The following C10orf90 variants were observed in gnomAD, a reference collection of about 807,000 sequenced individuals.
C10orf90 encodes (E2-independent) E3 ubiquitin-conjugating enzyme FATS.
A neutral mutation model predicts 62.5 loss-of-function variants in C10orf90; 56 were observed. The ratio of observed to expected loss-of-function variants is 0.90; its 90% CI spans 0.72 to 1.12. The LOEUF (loss-of-function observed/expected upper bound fraction) is 1.12. C10orf90 is among the 50% of genes most tolerant of loss of function. The pLI is 0.00. For synonymous variants in C10orf90, 386 were observed against 340.4 expected (o/e 1.13, Z -1.47); for missense variants, 970 against 880.4 (o/e 1.10, Z -1.29).
At chr10:126,505,161 C>T in intron 3 of C10orf90, 76 bp from the exon 4 acceptor site, 1 of 1,443,818 alleles carries the variant, frequency 6.9e-7, no homozygotes, top group Non-Finnish European at 9.3e-7. Context: ...TCAAGGGCCA[C>T]CAGGATGCCA....
intron 5 of C10orf90, among the ~76,000 whole-genome samples, chr10:126,462,438 AG>A (rs1444065951): frequency 1.3e-5 from 2 of 152,122 alleles, no homozygotes; most frequent in Admixed American, 1.3e-4. Context: ...CCCACCCTCC[AG>A]GCTGAGTCCA....
intron 2 of C10orf90, among the ~76,000 whole-genome samples, chr10:126,580,643 G>C (rs966138337): frequency 8.2e-6 from 1 of 121,446 alleles, no homozygotes; most frequent in African/African-American, 3.5e-5. Flanking sequence ...ACAGAGCGAG[G>C]CTCTGTCTCA....
intron 2 of C10orf90, among the ~76,000 whole-genome samples, chr10:126,620,858 G>A (rs1471076756): frequency 3.3e-5 from 5 of 152,104 alleles, no homozygotes; most frequent in Admixed American, 3.3e-4. Flanking sequence ...TGGAAGGGAG[G>A]ATGATCTATA....
Position 126,436,029 on chromosome 10 carries a change from T to C in C10orf90, c.2189-6179A>G, listed in dbSNP as rs201507689. On this transcript the variant is annotated intron_variant, in intron 7 of 9. Transcript: ENST00000488181. The stretch of plus-strand genomic sequence containing the variant: ...GACAAAGGGTTCCCCATAAAACCTA[T>C]AGGAACTGCTAAGGAAGGCTGGCAC... Among the ~76,000 whole-genome samples, 45 of 152,256 alleles carry C rather than the reference T, an allele frequency of 3.0e-4. No individual in the cohort carries two copies. In the East Asian group the frequency reaches 7.3e-3, roughly 25 times the overall value.
chr10:126,579,275 CTTTTT>C (rs35287358), intron 2 of C10orf90, among the ~76,000 whole-genome samples: 30 of 124,598 alleles, frequency 2.4e-4, no homozygotes, highest in Admixed American at 2.3e-4. Context: ...TTCTTTCTTT[CTTTTT>C]TTTTTTTTTT....
chr10:126,616,951 TA>T (rs1264177887), intron 2 of C10orf90, among the ~76,000 whole-genome samples: 1 of 152,168 alleles, frequency 6.6e-6, no homozygotes, highest in Non-Finnish European at 1.5e-5. Context: ...TAACCAGGGC[TA>T]TGTTATCTAA....
chr10:126,468,994 G>A (rs1860431798), intron 4 of C10orf90, among the ~76,000 whole-genome samples: 1 of 152,172 alleles, frequency 6.6e-6, no homozygotes, highest in East Asian at 1.9e-4. Context: ...TTGAGCCAGT[G>A]GCCCCCTACA....
At chr10:126,587,016 G>T (rs1054370714) in intron 2 of C10orf90, among the ~76,000 whole-genome samples, 3 of 151,718 alleles carry the variant, frequency 2.0e-5, no homozygotes, top group Non-Finnish European at 4.4e-5. Context: ...TAAAAGTGAT[G>T]TGATCATCCA....
intron 1 of C10orf90, 127 bp downstream of exon 1, chr10:126,670,114 G>C: frequency 2.9e-6 from 1 of 347,490 alleles, no homozygotes; most frequent in Non-Finnish European, 5.7e-6. Context: ...ATCCCTTAGG[G>C]AAGTCTACAA....
chr10:126,428,976 C>A (rs375160393), intron 8 of C10orf90, among the ~76,000 whole-genome samples: 1 of 152,086 alleles, frequency 6.6e-6, no homozygotes, highest in East Asian at 1.9e-4. Flanking sequence ...ATAGTAAAAG[C>A]AGAAATTGTA....
At chr10:126,602,680 A>C (rs1845221695) in intron 2 of C10orf90, among the ~76,000 whole-genome samples, 1 of 151,856 alleles carries the variant, frequency 6.6e-6, no homozygotes, top group African/African-American at 2.4e-5. Flanking sequence ...CTGATAGTAG[A>C]GGCAATTTAA....
At chr10:126,568,482 C>T (rs1036543996) in intron 2 of C10orf90, among the ~76,000 whole-genome samples, 7 of 152,212 alleles carry the variant, frequency 4.6e-5, no homozygotes, top group Non-Finnish European at 8.8e-5. Context: ...TCATCCTGAA[C>T]ATCCCTGACC....
intron 7 of C10orf90, among the ~76,000 whole-genome samples, chr10:126,444,113 A>C (rs1321559918): frequency 1.3e-5 from 2 of 152,144 alleles, no homozygotes; most frequent in African/African-American, 4.8e-5. Context: ...GAAATGGAAA[A>C]GAGAAGGATG....
intron 2 of C10orf90, among the ~76,000 whole-genome samples, chr10:126,515,576 G>A (rs1263099845): frequency 6.6e-6 from 1 of 152,118 alleles, no homozygotes; most frequent in African/African-American, 2.4e-5. Context: ...GTGCATAGGA[G>A]GCTATACCAT....
At chr10:126,526,813 T>C (rs1247079952) in intron 2 of C10orf90, among the ~76,000 whole-genome samples, 1 of 152,182 alleles carries the variant, frequency 6.6e-6, no homozygotes, top group Non-Finnish European at 1.5e-5. Context: ...AATTGAATCA[T>C]ATAATATGTG....
chr10:126,504,303 G>T lies in C10orf90; in HGVS notation c.1188C>A (p.His396Gln), dbSNP rs373996401. 1.1e-5 allele frequency: 17 copies of T among 1,614,084 alleles called. No individual in the cohort carries two copies. In the Admixed American group the frequency reaches 2.8e-4, roughly 27 times the overall value. ...CATCTACTCCATCTGCTGTTAATCT[G>T]TGGGAACTACAATTGAGGTTGAGCG... ...VLSLNLNCSS[H>Q]RLTADGVDGL... is the part of the protein sequence containing the mutation. The change falls in exon 4 of 10, where the codon CAC becomes CAA. Residue 396 changes from histidine (H) to glutamine (Q), a missense_variant. Physicochemically the swap from His to Gln is conservative, Grantham distance 24. Coordinates refer to ENST00000488181, the MANE Select transcript of C10orf90 (RefSeq NM_001350921.2). The surrounding 1 kb of genome is among the most constrained non-coding windows in gnomAD (Gnocchi z 4.1).
intron 4 of C10orf90, among the ~76,000 whole-genome samples, chr10:126,468,079 C>CT (rs553157307): frequency 0.024 from 3,419 of 142,850 alleles, 92 homozygotes; most frequent in African/African-American, 0.064. Flanking sequence ...ACAAAGCTAG[C>CT]TTTTTTTTTT....
intron 2 of C10orf90, among the ~76,000 whole-genome samples, chr10:126,588,341 G>A (rs906878548): frequency 6.6e-6 from 1 of 152,234 alleles, no homozygotes; most frequent in African/African-American, 2.4e-5. Context: ...CAGCCAGACT[G>A]CTTCTTTAAG....
At chr10:126,468,731 G>T (rs1860419560) in intron 4 of C10orf90, among the ~76,000 whole-genome samples, 1 of 152,156 alleles carries the variant, frequency 6.6e-6, no homozygotes, top group Non-Finnish European at 1.5e-5. Context: ...GCAGGGACTG[G>T]GGGTGGCGGA....
Sources: gnomAD v4.1 joint callset for allele counts (sites outside exome capture counted in the v4.1 genomes callset) on GRCh38, gnomAD v4.1.1 for gene constraint, Gnocchi (gnomAD v3.1) non-coding constraint, MANE v1.5 for transcripts, NCBI Gene and HGNC (gene_info 2026-07-23, HGNC 2026-07-21) for gene names.